The following OSBPL9 variants were observed in gnomAD, a reference collection of about 807,000 sequenced individuals.
The protein encoded by OSBPL9 is oxysterol-binding protein-related protein 9.
A neutral mutation model predicts 106.6 loss-of-function variants in OSBPL9; 40 were observed. The observed-to-expected ratio is 0.38, with a 90% confidence interval of 0.29 to 0.49. The LOEUF is 0.49. Ranked by LOEUF, OSBPL9 falls within the 20% of genes least tolerant of loss-of-function variation. OSBPL9 has a pLI of 0.97. For synonymous variants in OSBPL9, 269 were observed against 295.4 expected (o/e 0.91, Z 0.92); for missense variants, 609 against 887.2 (o/e 0.69, Z 3.98).
chr1:51,695,028 C>T (rs1446836594), intron 3 of OSBPL9, among the ~76,000 whole-genome samples: 1 of 152,114 alleles, frequency 6.6e-6, no homozygotes, highest in Non-Finnish European at 1.5e-5. Context: ...CCCATTAGTT[C>T]CCAACTCAGA....
chr1:51,662,227 G>C (rs1647226252), intron 2 of OSBPL9, among the ~76,000 whole-genome samples: 1 of 152,158 alleles, frequency 6.6e-6, no homozygotes, highest in East Asian at 1.9e-4. Context: ...TGCTTGGTTA[G>C]GACATGGAAT....
intron 1 of OSBPL9, among the ~76,000 whole-genome samples, chr1:51,620,169 T>C (rs998341598): frequency 1.3e-5 from 2 of 152,222 alleles, no homozygotes; most frequent in Non-Finnish European, 2.9e-5. Context: ...GAACTAAGGA[T>C]ATAAATTTAG....
chr1:51,650,614 G>A (rs568527955), intron 1 of OSBPL9, among the ~76,000 whole-genome samples: 1 of 152,138 alleles, frequency 6.6e-6, no homozygotes, highest in South Asian at 2.1e-4. Flanking sequence ...AATCACTTCT[G>A]AACATGAATT....
chr1:51,752,544 A>G (rs1477907408), intron 8 of OSBPL9: 3 of 455,974 alleles, frequency 6.6e-6, no homozygotes, highest in Non-Finnish European at 8.8e-6. Flanking sequence ...TACCACTTGT[A>G]TTAGTCTGCA....
chr1:51,691,919 A>G (rs555371885), intron 3 of OSBPL9, among the ~76,000 whole-genome samples: 10 of 152,266 alleles, frequency 6.6e-5, no homozygotes, highest in South Asian at 6.2e-4. Context: ...CTCCTATGAT[A>G]ACAATACCTT....
In OSBPL9 at chr1:51,757,191, T is replaced by A. The variant is rs546556644; in HGVS notation, c.582+833T>A. 3.3e-4 allele frequency among the ~76,000 whole-genome samples: 51 copies of A among 152,284 alleles called. No individual in the cohort carries two copies. In the South Asian group the frequency reaches 0.01, roughly 31 times the overall value. Reference sequence around the variant, plus strand: ...AAGGATGAGCATGTTATCTTTATATTTGGTTTAAAAATTTTTTTTAAGTTA... The same window carrying A: ...AAGGATGAGCATGTTATCTTTATATATGGTTTAAAAATTTTTTTTAAGTTA... On this transcript the variant is annotated intron_variant, in intron 9 of 23. Transcript: ENST00000428468.
At chr1:51,607,619 A>T (rs144268712) in intron 2 of OSBPL9, among the ~76,000 whole-genome samples, 347 of 152,208 alleles carry the variant, frequency 2.3e-3, no homozygotes, top group Non-Finnish European at 3.7e-3. Context: ...CTCAAAGGAG[A>T]TCCAATTCAA....
intron 21 of OSBPL9, 35 bp downstream of exon 21, chr1:51,785,921 A>G (rs914520923): frequency 1.3e-6 from 2 of 1,544,756 alleles, no homozygotes; most frequent in African/African-American, 2.7e-5. Context: ...GTTTTAGGCT[A>G]CATTAGATTG....
chr1:51,572,312 T>C (rs1428819234), upstream of OSBPL9, among the ~76,000 whole-genome samples: 1 of 152,080 alleles, frequency 6.6e-6, no homozygotes, highest in African/African-American at 2.4e-5. Context: ...GAGCTCACCC[T>C]TCCTCCACAA....
chr1:51,577,369 G>A (rs1370057708), intron 1 of OSBPL9: 2 of 148,228 alleles, frequency 1.3e-5, no homozygotes, highest in Non-Finnish European at 3.0e-5. Context: ...GCCCAGGCTG[G>A]AATGCAGTGG....
intron 2 of OSBPL9, among the ~76,000 whole-genome samples, chr1:51,610,390 A>G (rs765096061): frequency 1.3e-5 from 2 of 152,104 alleles, no homozygotes; most frequent in Non-Finnish European, 2.9e-5. Flanking sequence ...CCTCCTGAGT[A>G]GCTGGGATTA....
At chr1:51,609,918 T>G (rs1157936022) in intron 2 of OSBPL9, among the ~76,000 whole-genome samples, 1 of 151,858 alleles carries the variant, frequency 6.6e-6, no homozygotes, top group Non-Finnish European at 1.5e-5. Flanking sequence ...CGGCTAATTT[T>G]TTGTGTCTTT....
At chr1:51,714,137 C>T (rs1660610237) in intron 4 of OSBPL9, 58 bp downstream of exon 4, 10 of 1,270,492 alleles carry the variant, frequency 7.9e-6, no homozygotes, top group East Asian at 5.0e-5. Context: ...CTTTTTTTGT[C>T]TGTTTTCTGT....
At chr1:51,688,504 C>A (rs1267604811) in intron 3 of OSBPL9, among the ~76,000 whole-genome samples, 2 of 152,042 alleles carry the variant, frequency 1.3e-5, no homozygotes, top group Non-Finnish European at 2.9e-5. Context: ...ATAATCCTAG[C>A]TACTTGGGAG....
intron 3 of OSBPL9, among the ~76,000 whole-genome samples, chr1:51,689,596 G>A (rs1363168348): frequency 6.6e-6 from 1 of 152,046 alleles, no homozygotes; most frequent in Non-Finnish European, 1.5e-5. Flanking sequence ...GCTTTCCCTG[G>A]AGAAGGAAGG....
At chr1:51,525,726 T>C in the OSBPL9 span, among the ~76,000 whole-genome samples, 1 of 152,232 alleles carries the variant, frequency 6.6e-6, no homozygotes, top group Admixed American at 6.5e-5. Flanking sequence ...CCTACTTCCA[T>C]GATTTTGCCT....
chr1:51,557,896 A>T, the OSBPL9 span, among the ~76,000 whole-genome samples: 1 of 152,364 alleles, frequency 6.6e-6, no homozygotes, highest in Admixed American at 6.5e-5. Flanking sequence ...ACAGTGAAAG[A>T]AATCTGACCT....
At chr1:51,596,704 C>A (rs567280403) in intron 1 of OSBPL9, among the ~76,000 whole-genome samples, 2 of 152,116 alleles carry the variant, frequency 1.3e-5, no homozygotes, top group Admixed American at 1.3e-4. Context: ...TGCTTGAACC[C>A]GGGAGGCGGA....
At chr1:51,731,164 T>C (rs1664304458) in intron 4 of OSBPL9, among the ~76,000 whole-genome samples, 1 of 152,014 alleles carries the variant, frequency 6.6e-6, no homozygotes, top group Non-Finnish European at 1.5e-5. Flanking sequence ...GGGCCAGTCG[T>C]GGTGGCTCAG....
Sources: allele counts gnomAD v4.1 joint callset (sites outside exome capture counted in the v4.1 genomes callset), GRCh38; gene constraint gnomAD v4.1.1; transcripts MANE v1.5; gene names NCBI Gene and HGNC (gene_info 2026-07-23, HGNC 2026-07-21).